Variants in CFAP300 observed in about 807,000 individuals in gnomAD.
CFAP300 encodes cilia and flagella associated protein 300.
CFAP300 carries 32 observed loss-of-function variants against 33.0 expected under a neutral mutation model. The ratio of observed to expected loss-of-function variants is 0.97; its 90% CI spans 0.73 to 1.30. The LOEUF (loss-of-function observed/expected upper bound fraction) is 1.30. Ranked by LOEUF, CFAP300 falls within the 50% of genes most tolerant of loss-of-function variation. The pLI is 0.00. For missense variants in CFAP300, 356 were observed against 318.1 expected (o/e 1.12, Z -0.90); for synonymous variants, 102 against 106.8 (o/e 0.95, Z 0.28).
At chr11:102,065,445 C>T (rs1474213477) in intron 3 of CFAP300, among the ~76,000 whole-genome samples, 1 of 152,002 alleles carries the variant, frequency 6.6e-6, no homozygotes, top group African/African-American at 2.4e-5. Context: ...TCAAGATACA[C>T]TCAAGGACTT....
intron 5 of CFAP300, among the ~76,000 whole-genome samples, chr11:102,076,624 G>C (rs1942398988): frequency 6.6e-6 from 1 of 152,094 alleles, no homozygotes; most frequent in Non-Finnish European, 1.5e-5. Flanking sequence ...GGGTTTTTCA[G>C]TTATGAAGAT....
Position 102,047,491 on chromosome 11 carries a change from G to C in CFAP300, c.21G>C (p.Gly7=), listed in dbSNP as rs1206991035. The C allele has an allele frequency of 6.5e-7, 1 of 1,535,978 alleles. No individual in the cohort carries two copies. Among genetic ancestry groups the C allele is most frequent in the Admixed American group, 2.0e-5 (1 of 51,004 alleles). Residue 7 remains glycine, a synonymous_variant, in exon 1 of 7, where the codon GGG becomes GGC. Transcript: ENST00000434758. MATGEL[G]DLGGYYFRFL... ...GCACGATGGCTACTGGGGAGCTCGG[G>C]GACTTGGGTGGCTACTACTTCAGGT...
chr11:102,064,856 A>G (rs932379906), intron 3 of CFAP300, among the ~76,000 whole-genome samples: 6 of 152,168 alleles, frequency 3.9e-5, no homozygotes, highest in Admixed American at 3.9e-4. Context: ...ACTTTCTGTA[A>G]TTTAATGGGA....
intron 2 of CFAP300, among the ~76,000 whole-genome samples, chr11:102,052,319 C>A (rs1941983889): frequency 6.6e-6 from 1 of 152,084 alleles, no homozygotes; most frequent in Admixed American, 6.5e-5. Context: ...AAAATGCATT[C>A]AAAACCAATA....
intron 5 of CFAP300, among the ~76,000 whole-genome samples, chr11:102,079,867 C>G (rs1591067311): frequency 6.6e-6 from 1 of 152,260 alleles, no homozygotes; most frequent in Non-Finnish European, 1.5e-5. Flanking sequence ...AGAAATACCA[C>G]TTTTATTTAG....
chr11:102,079,569 A>G (rs1306426567), intron 5 of CFAP300, among the ~76,000 whole-genome samples: 1 of 152,192 alleles, frequency 6.6e-6, no homozygotes, highest in African/African-American at 2.4e-5. Flanking sequence ...GCTCAACCAT[A>G]CATACACACA....
intron 3 of CFAP300, among the ~76,000 whole-genome samples, chr11:102,066,006 G>A (rs1942219929): frequency 6.8e-6 from 1 of 148,112 alleles, no homozygotes; most frequent in African/African-American, 2.5e-5. Flanking sequence ...AGCCTAGGCT[G>A]GAGTGCAGTG....
At chr11:102,048,613 A>C (rs1474949892) in intron 2 of CFAP300, among the ~76,000 whole-genome samples, 1 of 151,952 alleles carries the variant, frequency 6.6e-6, no homozygotes, top group East Asian at 1.9e-4. Context: ...CATCACACCC[A>C]CTCTGAGAAC....
chr11:102,058,304 A>G (rs905542945), intron 2 of CFAP300, among the ~76,000 whole-genome samples: 3 of 151,584 alleles, frequency 2.0e-5, no homozygotes, highest in Non-Finnish European at 4.4e-5. Flanking sequence ...TTCTTATTTC[A>G]TGTCAGACTG....
chr11:102,066,218 A>G (rs7936085), intron 3 of CFAP300, among the ~76,000 whole-genome samples: 17,026 of 151,752 alleles, frequency 0.11, 1,240 homozygotes, highest in African/African-American at 0.19. Context: ...CAAGTGATCC[A>G]CCCTCCTTTG....
At chr11:102,077,269 C>T (rs1260725936) in intron 5 of CFAP300, among the ~76,000 whole-genome samples, 1 of 152,202 alleles carries the variant, frequency 6.6e-6, no homozygotes, top group Non-Finnish European at 1.5e-5. Context: ...ATTGAAGAAA[C>T]TGCTATTTTT....
At position 102,084,196 on chromosome 11, in the gene CFAP300, A is replaced by G. The variant is rs1285161023; in HGVS notation, c.*997A>G. 1 of 152,236 alleles carries G rather than the reference A, an allele frequency of 6.6e-6. No individual in the cohort carries two copies. The highest frequency in any genetic ancestry group is 1.5e-5 in the Non-Finnish European group (1 of 68,050). The allele number at this position is 152,236 out of a possible 1,614,324, so 9.4% of individuals were successfully genotyped here. A position where few individuals can be genotyped will look rare whatever the true frequency, so the allele number is the denominator to read the frequency against. On this transcript the variant is annotated 3_prime_UTR_variant, in exon 7 of 7. Coordinates refer to ENST00000434758, the MANE Select transcript of CFAP300 (RefSeq NM_032930.3). ...CTTAGTACTGTTCCTTATTTCATTC[A>G]TAGAATGAATGTATAACCTAGATTG... is the stretch of plus-strand genomic sequence containing the variant.
intron 4 of CFAP300, 134 bp from the exon 5 acceptor site, chr11:102,075,739 A>C: frequency 3.3e-6 from 2 of 598,714 alleles, no homozygotes; most frequent in Non-Finnish European, 5.7e-6. Flanking sequence ...ATTACAGGTT[A>C]CTCTCTTCAG....
In CFAP300 at chr11:102,053,551, AAAACAAACAAAC is replaced by A. The variant is rs140040339; in HGVS notation, c.193-5305_193-5294del. 1.6e-3 allele frequency among the ~76,000 whole-genome samples: 240 copies of A among 150,012 alleles called. 2 individuals are homozygous for A. Among genetic ancestry groups the A allele is most frequent in the Non-Finnish European group, 1.3e-3 (89 of 67,612 alleles). ...GGGCAACAAGAGCAAAACTCCATCA[AAAACAAACAAAC>A]AAACAAACAAACAAACAAACAAAAA... On this transcript the variant is annotated intron_variant, in intron 2 of 6. Transcript: ENST00000434758.
In CFAP300 at chr11:102,047,822, C is replaced by G; in HGVS notation, c.118C>G (p.Leu40Val). The G allele has an allele frequency of 6.2e-7, 1 of 1,614,128 alleles. No homozygotes were observed. Among genetic ancestry groups the G allele is most frequent in the Non-Finnish European group, 8.5e-7 (1 of 1,180,010 alleles). Residue 40 changes from leucine to valine, a missense_variant, in exon 2 of 7, where the codon CTG becomes GTG. Leu to Val is a conservative substitution (Grantham distance 32). Coordinates refer to ENST00000434758, the MANE Select transcript of CFAP300 (RefSeq NM_032930.3). ...ITSRLRQWSM[L>V]GRIKAQAFGF... ...TTTCCTCCTCTGCCCCAGGTCCATG[C>G]TGGGCAGAATCAAGGCGCAGGCGTT... is the stretch of plus-strand genomic sequence containing the variant.
At chr11:102,047,948 C>A (rs762071441) in intron 2 of CFAP300, 52 bp downstream of exon 2, 2 of 1,564,350 alleles carry the variant, frequency 1.3e-6, no homozygotes, top group South Asian at 1.1e-5. Flanking sequence ...TTTTAAACTT[C>A]CCCCCAAGTT....
rs1261922636 is a variant in CFAP300 at position 102,084,425 on chromosome 11, A to G, written c.*1226A>G. 2.0e-5 allele frequency: 3 copies of G among 152,216 alleles called. No homozygotes were observed. The highest frequency in any genetic ancestry group is 4.4e-5 in the Non-Finnish European group (3 of 68,042). The allele number at this position is 152,216 out of a possible 1,614,324, so 9.4% of individuals were successfully genotyped here. A position where few individuals can be genotyped will look rare whatever the true frequency, so the allele number is the denominator to read the frequency against. The stretch of plus-strand genomic sequence containing the variant: ...TTTGGGTATAGAGCTCAGGAGAAAG[A>G]GTATGTTTTACTTCTAATACCTAAC... On this transcript the variant is annotated 3_prime_UTR_variant, in exon 7 of 7. Coordinates refer to ENST00000434758, the MANE Select transcript of CFAP300 (RefSeq NM_032930.3).
chr11:102,075,479 T>C (rs1308806307), intron 4 of CFAP300, among the ~76,000 whole-genome samples: 1 of 152,134 alleles, frequency 6.6e-6, no homozygotes, highest in Non-Finnish European at 1.5e-5. Flanking sequence ...AAAATGACCG[T>C]TTAGTCTCTG....
chr11:102,068,906 T>C (rs1942268716), intron 4 of CFAP300, among the ~76,000 whole-genome samples: 1 of 152,198 alleles, frequency 6.6e-6, no homozygotes, highest in South Asian at 2.1e-4. Context: ...TGGTCTGGGT[T>C]TCCCTCCTTT....
Sources: gnomAD v4.1 joint callset for allele counts (sites outside exome capture counted in the v4.1 genomes callset) on GRCh38, gnomAD v4.1.1 for gene constraint, MANE v1.5 for transcripts, NCBI Gene and HGNC (gene_info 2026-07-23, HGNC 2026-07-21) for gene names.